The following RSRC1 variants were observed in gnomAD, a reference collection of about 807,000 sequenced individuals.
RSRC1 encodes the protein arginine and serine rich coiled-coil 1, also known as serine/Arginine-related protein 53.
A neutral mutation model predicts 49.1 loss-of-function variants in RSRC1; 39 were observed. The observed-to-expected ratio is 0.79, with a 90% CI of 0.61 to 1.04. RSRC1 has a LOEUF of 1.04. Ranked by LOEUF, RSRC1 falls within the 50% of genes least tolerant of loss-of-function variation. RSRC1 has a pLI of 0.00. For synonymous variants in RSRC1, 143 were observed against 130.8 expected (o/e 1.09, Z -0.63); for missense variants, 388 against 402.4 (o/e 0.96, Z 0.31).
chr3:158,232,332 C>A (rs138233050), intron 4 of RSRC1, among the ~76,000 whole-genome samples: 1 of 152,010 alleles, frequency 6.6e-6, no homozygotes, highest in Admixed American at 6.6e-5. Flanking sequence ...TACATTTTAT[C>A]GTATCTAACA....
intron 3 of RSRC1, among the ~76,000 whole-genome samples, chr3:158,177,375 A>G (rs1253234690): frequency 1.3e-5 from 2 of 152,206 alleles, no homozygotes; most frequent in South Asian, 2.1e-4. Context: ...CACAATAGCA[A>G]AGACTTGGAA....
intron 4 of RSRC1, among the ~76,000 whole-genome samples, chr3:158,283,433 T>G (rs1400558928): frequency 6.6e-6 from 1 of 152,156 alleles, no homozygotes; most frequent in East Asian, 1.9e-4. Flanking sequence ...TATAACTTTT[T>G]AGATAAATGC....
intron 6 of RSRC1, among the ~76,000 whole-genome samples, chr3:158,414,882 A>G (rs1341988222): frequency 1.3e-5 from 2 of 152,158 alleles, no homozygotes; most frequent in African/African-American, 2.4e-5. Context: ...GTGTTCACAA[A>G]AAAAGTTGTA....
intron 6 of RSRC1, among the ~76,000 whole-genome samples, chr3:158,424,049 T>C (rs1450694218): frequency 1.7e-4 from 25 of 151,324 alleles, no homozygotes; most frequent in Non-Finnish European, 3.0e-4. Context: ...CTTTTCCTAA[T>C]TGAATACCCT....
At chr3:158,372,010 A>G (rs532141324) in intron 6 of RSRC1, among the ~76,000 whole-genome samples, 1 of 142,976 alleles carries the variant, frequency 7.0e-6, no homozygotes, top group Non-Finnish European at 1.6e-5. Flanking sequence ...TTCTTTGCCC[A>G]TTAAAAAAAT....
chr3:158,244,864 G>T (rs887425449), intron 4 of RSRC1, among the ~76,000 whole-genome samples: 1 of 151,888 alleles, frequency 6.6e-6, no homozygotes, highest in Non-Finnish European at 1.5e-5. Context: ...GACGATATAC[G>T]TGTTCAAGAA....
intron 5 of RSRC1, among the ~76,000 whole-genome samples, chr3:158,324,396 C>T (rs911574258): frequency 2.6e-5 from 4 of 152,246 alleles, no homozygotes; most frequent in African/African-American, 7.2e-5. Context: ...CCTCACCCCA[C>T]GACAGGCCCC....
intron 7 of RSRC1, among the ~76,000 whole-genome samples, chr3:158,462,094 G>T (rs1021819024): frequency 1.3e-5 from 2 of 151,100 alleles, no homozygotes; most frequent in South Asian, 4.2e-4. Flanking sequence ...ATAGTATAGT[G>T]TTCTTACCTT....
chr3:158,155,430 T>A (rs1022150012), intron 3 of RSRC1, among the ~76,000 whole-genome samples: 2 of 151,938 alleles, frequency 1.3e-5, no homozygotes, highest in Non-Finnish European at 2.9e-5. Context: ...CAGTGAACTA[T>A]ATTTTATTTT....
intron 7 of RSRC1, among the ~76,000 whole-genome samples, chr3:158,473,664 TA>T (rs1398420499): frequency 1.3e-5 from 2 of 150,744 alleles, no homozygotes; most frequent in African/African-American, 4.9e-5. Flanking sequence ...AAGTATAATT[TA>T]AAAAAAAAGG....
In RSRC1 at chr3:158,420,124, T is replaced by C. The variant is rs528600318; in HGVS notation, c.584-40811T>C. On this transcript the variant is annotated intron_variant, in intron 6 of 9. Transcript: ENST00000611884. ...GTTGCTTCACCTGTGTGGTATCACA[T>C]TTTGGCAGGTGTGCTCACAGGGTAG... 6.6e-5 allele frequency among the ~76,000 whole-genome samples: 10 copies of C among 152,088 alleles called. No individual in the cohort carries two copies. The South Asian group carries it at 2.1e-3, about 32-fold the overall frequency.
intron 6 of RSRC1, among the ~76,000 whole-genome samples, chr3:158,396,733 A>G (rs976832389): frequency 2.0e-5 from 3 of 152,154 alleles, no homozygotes; most frequent in African/African-American, 4.8e-5. Flanking sequence ...GACAGTAGGT[A>G]TATGGAAGCC....
chr3:158,195,623 G>C (rs975330184), intron 3 of RSRC1, among the ~76,000 whole-genome samples: 31 of 152,026 alleles, frequency 2.0e-4, no homozygotes, highest in African/African-American at 7.5e-4. Context: ...GGGTTTTTAT[G>C]GTTTTAGGTC....
At chr3:158,291,375 A>G (rs902137566) in intron 4 of RSRC1, among the ~76,000 whole-genome samples, 5 of 152,142 alleles carry the variant, frequency 3.3e-5, no homozygotes, top group Non-Finnish European at 7.4e-5. Flanking sequence ...TGAGTATTTT[A>G]TAATTAAACC....
intron 3 of RSRC1, among the ~76,000 whole-genome samples, chr3:158,149,865 C>T (rs1717416042): frequency 1.3e-5 from 2 of 152,136 alleles, no homozygotes; most frequent in Admixed American, 1.3e-4. Flanking sequence ...TCTGAAAGCA[C>T]TCAACTGAGT....
chr3:158,510,653 A>C (rs531745507), intron 7 of RSRC1, among the ~76,000 whole-genome samples: 12 of 152,226 alleles, frequency 7.9e-5, no homozygotes, highest in Non-Finnish European at 1.5e-4. Context: ...TGTGTTATAA[A>C]CAATCCAATT....
In RSRC1 at chr3:158,299,200, C is replaced by T. The variant is rs146915605; in HGVS notation, c.531+1125C>T. 1.8e-4 allele frequency among the ~76,000 whole-genome samples: 28 copies of T among 152,202 alleles called. No individual in the cohort carries two copies. The East Asian group carries it at 3.1e-3, about 17-fold the overall frequency. ...TTCATAATAGCACATAGATTTAGGACATATGGATATCAGAATAAACATGTT... is the reference window on the plus strand; with the variant it reads ...TTCATAATAGCACATAGATTTAGGATATATGGATATCAGAATAAACATGTT... On this transcript the variant is annotated intron_variant, in intron 5 of 9. Coordinates refer to ENST00000611884, the MANE Select transcript of RSRC1 (RefSeq NM_001271838.2).
intron 7 of RSRC1, among the ~76,000 whole-genome samples, chr3:158,492,105 AAGAG>A (rs993608859): frequency 2.6e-5 from 4 of 152,166 alleles, no homozygotes; most frequent in East Asian, 3.9e-4. Context: ...ACATGGCAGC[AAGAG>A]AGAGAGAGTG....
intron 1 of RSRC1, among the ~76,000 whole-genome samples, chr3:158,114,330 T>C (rs898065307): frequency 6.6e-6 from 1 of 152,098 alleles, no homozygotes; most frequent in Non-Finnish European, 1.5e-5. Flanking sequence ...TATTTCTGAG[T>C]TGTCTATTCT....
Sources: allele counts gnomAD v4.1 joint callset (sites outside exome capture counted in the v4.1 genomes callset), GRCh38; gene constraint gnomAD v4.1.1; transcripts MANE v1.5; gene names NCBI Gene and HGNC (gene_info 2026-07-23, HGNC 2026-07-21).